The following NLRP1 variants were observed in gnomAD, a reference collection of about 807,000 sequenced individuals.
NLRP1 encodes NLR family pyrin domain containing 1.
NLRP1 carries 94 observed loss-of-function variants against 136.7 expected under a neutral mutation model. The ratio of observed to expected loss-of-function variants is 0.69; its 90% CI spans 0.58 to 0.82. The LOEUF (loss-of-function observed/expected upper bound fraction) is 0.82. Ranked by LOEUF, NLRP1 falls within the 40% of genes least tolerant of loss-of-function variation. NLRP1 has a pLI of 0.00. For synonymous variants in NLRP1, 690 were observed against 725.1 expected, an observed-to-expected ratio of 0.95 and a Z score of 0.78; for missense variants, 1,575 against 1,802.7, an observed-to-expected ratio of 0.87 and a Z score of 2.29.
rs1913636370 is a variant in NLRP1, at chr17:5,553,476, A to G, written c.2438T>C (p.Leu813Pro). The G allele has an allele frequency of 2.5e-6, 4 of 1,614,092 alleles. No homozygotes were observed. The highest frequency in any genetic ancestry group is 2.2e-5 in the East Asian group (1 of 44,896). The change falls in exon 5 of 17, where the codon CTG (leucine) becomes CCG (proline). Residue 813 changes from leucine (L) to proline (P), a missense_variant. Transcript: ENST00000572272. ...VLKVTRNLKE[L>P]DLSGNSLSHS... The stretch of plus-strand genomic sequence containing the variant: ...GCTCAGCGAGTTTCCACTTAGGTCC[A>G]GCTCCTTCAGGTTTCTGGTGACCTT...
At chr17:5,505,753 C>T (rs1907300452) in intron 15 of NLRP1, 1 of 152,272 alleles carries the variant, frequency 6.6e-6, no homozygotes, top group Admixed American at 6.5e-5. Flanking sequence ...GGTTCTACAT[C>T]AAATGATTAG....
chr17:5,514,745 G>C lies in NLRP1; in HGVS notation c.*9C>G, dbSNP rs1907864736. The C allele has an allele frequency of 6.2e-7, 1 of 1,613,756 alleles. No individual in the cohort carries two copies. ...CAGGACTCAAGGGTCAAGGGCTGGT[G>C]TTGATACTTCAGCTGCTGAGTGGCA... On this transcript the variant is annotated 3_prime_UTR_variant, in exon 17 of 17. Transcript: ENST00000572272.
chr17:5,579,691 C>G (rs1905387452), intron 3 of NLRP1, among the ~76,000 whole-genome samples: 1 of 152,090 alleles, frequency 6.6e-6, no homozygotes, highest in Admixed American at 6.6e-5. Flanking sequence ...AACCATACTG[C>G]TAAAGAAAAT....
In NLRP1 at chr17:5,517,884, G is replaced by C; in HGVS notation, c.3919C>G (p.Leu1307Val). ...CCAGGGCTTCGATAGCAGAGCTCCA[G>C]TTCCTGAAGAGGCAAAGAGTTGAGT... ...SGMLEILPKE[L>V]ELCYRSPGED... The change falls in exon 15 of 17, where the codon CTG becomes GTG. Residue 1307 changes from leucine (L) to valine (V), a missense_variant. Coordinates refer to ENST00000572272, the MANE Select transcript of NLRP1 (RefSeq NM_033004.4). 6.2e-7 allele frequency: 1 copy of C among 1,614,022 alleles called. No individual in the cohort carries two copies. The highest frequency in any genetic ancestry group is 1.1e-5 in the South Asian group (1 of 91,070).
chr17:5,524,537 G>A (rs1269126277), intron 12 of NLRP1, among the ~76,000 whole-genome samples: 1 of 152,222 alleles, frequency 6.6e-6, no homozygotes, highest in Non-Finnish European at 1.5e-5. Context: ...CGTGTGAGAT[G>A]GTATGACCTC....
intron 5 of NLRP1, among the ~76,000 whole-genome samples, chr17:5,550,520 CTGTAAG>C (rs1294574256): frequency 6.6e-6 from 1 of 152,082 alleles, no homozygotes; most frequent in Non-Finnish European, 1.5e-5. Flanking sequence ...CCTTTTATTT[CTGTAAG>C]TTCAATTGTG....
At chr17:5,536,309 CAG>C (rs1466987095) in intron 8 of NLRP1, among the ~76,000 whole-genome samples, 1 of 151,900 alleles carries the variant, frequency 6.6e-6, no homozygotes, top group East Asian at 1.9e-4. Context: ...TCACCACACC[CAG>C]CTAATTTTTG....
chr17:5,562,231 G>T (rs1914840494), intron 3 of NLRP1, among the ~76,000 whole-genome samples: 1 of 152,250 alleles, frequency 6.6e-6, no homozygotes, highest in Non-Finnish European at 1.5e-5. Context: ...CTGATTACGT[G>T]ACCCCACCCA....
At chr17:5,552,735 A>G (rs1913533000) in intron 5 of NLRP1, among the ~76,000 whole-genome samples, 1 of 152,218 alleles carries the variant, frequency 6.6e-6, no homozygotes, top group African/African-American at 2.4e-5. Context: ...CCATAGTCCA[A>G]GCTATGACTA....
chr17:5,533,847 C>T, intron 9 of NLRP1, 50 bp downstream of exon 9: 1 of 1,267,020 alleles, frequency 7.9e-7, no homozygotes. Flanking sequence ...CCACAGCTGA[C>T]CTCCCCCAAC....
downstream of NLRP1, chr17:5,512,206 C>T: frequency 7.8e-7 from 1 of 1,280,256 alleles, no homozygotes; most frequent in Non-Finnish European, 1.1e-6. Context: ...TTCCACAGAG[C>T]CATGAAGTTG....
At chr17:5,562,973 A>G (rs1240202402) in intron 3 of NLRP1, among the ~76,000 whole-genome samples, 1 of 152,190 alleles carries the variant, frequency 6.6e-6, no homozygotes, top group Non-Finnish European at 1.5e-5. Context: ...AGCCTTCTAG[A>G]GTTAGAGCAG....
chr17:5,518,571 C>CT (rs71370064), intron 14 of NLRP1: 60,785 of 139,906 alleles, frequency 0.43, 13,687 homozygotes, highest in Non-Finnish European at 0.51. Flanking sequence ...TTTTTTGTTT[C>CT]TTTTTTTTTT....
rs777177687 is a variant in NLRP1, at chr17:5,570,351, T to C, written c.653-10308A>G. Among the ~76,000 whole-genome samples the C allele has an allele frequency of 6.1e-5, 9 of 148,618 alleles. 1 individual carries two copies. The highest frequency in any genetic ancestry group is 1.2e-4 in the Non-Finnish European group (8 of 67,150). On this transcript the variant is annotated intron_variant, in intron 3 of 16. Coordinates refer to ENST00000572272, the MANE Select transcript of NLRP1 (RefSeq NM_033004.4). Reference sequence around the variant, plus strand: ...TCTTTGGAAGAATAAATAAGATCGATAGACCACTAGCTAGACTAATAAAGA... The same window carrying C: ...TCTTTGGAAGAATAAATAAGATCGACAGACCACTAGCTAGACTAATAAAGA...
At chr17:5,551,092 C>T (rs773080189) in intron 5 of NLRP1, among the ~76,000 whole-genome samples, 41 of 152,090 alleles carry the variant, frequency 2.7e-4, no homozygotes, top group Non-Finnish European at 8.8e-5. Flanking sequence ...TGGTGGTGTA[C>T]ATTCTATGGA....
chr17:5,518,796 A>G (rs1180056844), intron 14 of NLRP1, among the ~76,000 whole-genome samples: 4 of 149,920 alleles, frequency 2.7e-5, no homozygotes, highest in African/African-American at 9.8e-5. Flanking sequence ...TCCCAAAGTG[A>G]TGGAATTACA....
intron 3 of NLRP1, among the ~76,000 whole-genome samples, chr17:5,576,660 C>T (rs1905048313): frequency 6.6e-6 from 1 of 151,954 alleles, no homozygotes; most frequent in East Asian, 1.9e-4. Context: ...GACGGATTCA[C>T]AGCCAAATTC....
chr17:5,520,152 G>A (rs1341318058), intron 14 of NLRP1, among the ~76,000 whole-genome samples: 1 of 152,118 alleles, frequency 6.6e-6, no homozygotes, highest in African/African-American at 2.4e-5. Flanking sequence ...CACCGCGCCT[G>A]GCTGTAAATC....
At position 5,583,197 on chromosome 17, in the gene NLRP1, G is replaced by A. The variant is rs940714191; in HGVS notation, c.272-351C>T. 5.9e-5 allele frequency among the ~76,000 whole-genome samples: 9 copies of A among 152,136 alleles called. No individual in the cohort carries two copies. The highest frequency in any genetic ancestry group is 6.5e-5 in the Admixed American group (1 of 15,274). On this transcript the variant is annotated intron_variant, in intron 1 of 16. Transcript: ENST00000572272. The surrounding 1 kb of genome is among the most constrained non-coding windows in gnomAD (Gnocchi z 4.5). ...AATAATAACAGCAGCAGCAGCAGCAGCAACAACAGCAATGGGAGATCTTAT... is the reference window on the plus strand; with the variant it reads ...AATAATAACAGCAGCAGCAGCAGCAACAACAACAGCAATGGGAGATCTTAT...
Sources: allele counts gnomAD v4.1 joint callset (sites outside exome capture counted in the v4.1 genomes callset), GRCh38; gene constraint gnomAD v4.1.1; non-coding constraint Gnocchi (gnomAD v3.1); transcripts MANE v1.5; gene names NCBI Gene and HGNC (gene_info 2026-07-23, HGNC 2026-07-21).